The following PPM1H variants were observed in gnomAD, a reference collection of about 807,000 sequenced individuals.
PPM1H encodes protein phosphatase, Mg2+/Mn2+ dependent 1H.
Under a neutral mutation model 54.9 loss-of-function variants are expected in PPM1H, and 27 were observed. That is an observed-to-expected ratio of 0.49 (90% CI 0.36 to 0.68). The LOEUF is 0.68. PPM1H is among the 30% of genes least tolerant of loss of function. The probability of loss-of-function intolerance (pLI) is 0.00; values close to 1 mark genes in which losing one functional copy is unlikely to be tolerated. For missense variants in PPM1H, 596 were observed against 667.8 expected (o/e 0.89, Z 1.19); for synonymous variants, 305 against 270.8 (o/e 1.13, Z -1.24).
intron 9 of PPM1H, among the ~76,000 whole-genome samples, chr12:62,662,816 A>G (rs1342162371): frequency 6.6e-6 from 1 of 152,168 alleles, no homozygotes; most frequent in East Asian, 1.9e-4. Flanking sequence ...TTAGAAACCC[A>G]ACAGGCCTCA....
intron 2 of PPM1H, among the ~76,000 whole-genome samples, chr12:62,822,325 C>T (rs1655420996): frequency 6.6e-6 from 1 of 152,198 alleles, no homozygotes; most frequent in Non-Finnish European, 1.5e-5. Flanking sequence ...TAACACCCCA[C>T]TGTCAATATT....
At chr12:62,805,222 G>A (rs1592608498) in intron 2 of PPM1H, among the ~76,000 whole-genome samples, 2 of 152,294 alleles carry the variant, frequency 1.3e-5, no homozygotes, top group South Asian at 4.1e-4. Context: ...AAGTGTTAGT[G>A]AGGATGTGTA....
chr12:62,872,600 A>G (rs917922689), intron 1 of PPM1H, among the ~76,000 whole-genome samples: 1 of 152,204 alleles, frequency 6.6e-6, no homozygotes, highest in Non-Finnish European at 1.5e-5. Flanking sequence ...TAAATGCATG[A>G]TTTCTGTGTT....
intron 1 of PPM1H, among the ~76,000 whole-genome samples, chr12:62,910,482 T>C: frequency 6.6e-6 from 1 of 152,186 alleles, no homozygotes; most frequent in Non-Finnish European, 1.5e-5. Flanking sequence ...ACATTTTCTC[T>C]ATTTCTTTTT....
intron 5 of PPM1H, among the ~76,000 whole-genome samples, chr12:62,722,856 T>G (rs1403339456): frequency 1.3e-5 from 2 of 152,194 alleles, no homozygotes; most frequent in Non-Finnish European, 2.9e-5. Context: ...ACAATATGTG[T>G]GTGTGCATGA....
intron 1 of PPM1H, among the ~76,000 whole-genome samples, chr12:62,853,863 T>G (rs1869284857): frequency 6.6e-6 from 1 of 152,174 alleles, no homozygotes; most frequent in Non-Finnish European, 1.5e-5. Flanking sequence ...AGGGGGTAGT[T>G]CCAAAGTCAA....
At chr12:62,749,154 A>G (rs886571250) in intron 4 of PPM1H, among the ~76,000 whole-genome samples, 2 of 152,206 alleles carry the variant, frequency 1.3e-5, no homozygotes, top group African/African-American at 2.4e-5. Flanking sequence ...CAAGGCCCCC[A>G]ATGTAATTTC....
At chr12:62,820,758 T>C (rs2076898261) in intron 2 of PPM1H, among the ~76,000 whole-genome samples, 2 of 152,076 alleles carry the variant, frequency 1.3e-5, no homozygotes, top group African/African-American at 4.8e-5. Context: ...CAACACCCCA[T>C]CTGTAGGTCA....
In PPM1H at chr12:62,648,374, G is replaced by T; in HGVS notation, c.*115C>A. ...TCTTTTGGCCATGAACTCCCCGCTT[G>T]GGCTGGGAAGAGACTGCATCACTTG... is the stretch of plus-strand genomic sequence containing the variant. On this transcript the variant is annotated 3_prime_UTR_variant, in exon 10 of 10. Transcript: ENST00000228705. 1.5e-6 allele frequency: 2 copies of T among 1,337,852 alleles called. No individual in the cohort carries two copies. Among genetic ancestry groups the T allele is most frequent in the South Asian group, 1.4e-5 (1 of 73,588 alleles). 82.9% of individuals were successfully genotyped at this position (1,337,852 alleles called of 1,614,324 possible).
At chr12:62,756,754 G>A (rs981749094) in intron 4 of PPM1H, among the ~76,000 whole-genome samples, 15 of 151,946 alleles carry the variant, frequency 9.9e-5, no homozygotes, top group African/African-American at 2.7e-4. Context: ...TTGAACGGCC[G>A]AAGATGACGG....
chr12:62,911,029 A>C (rs1871443330), intron 1 of PPM1H, among the ~76,000 whole-genome samples: 1 of 152,220 alleles, frequency 6.6e-6, no homozygotes, highest in African/African-American at 2.4e-5. Context: ...TGGGACAGAA[A>C]ATCTCCAGTG....
intron 4 of PPM1H, among the ~76,000 whole-genome samples, chr12:62,739,080 A>G (rs1372936838): frequency 3.4e-5 from 4 of 118,612 alleles, no homozygotes; most frequent in Non-Finnish European, 7.6e-5. Context: ...TGACTCTAGG[A>G]AAAAAAAAAA....
At chr12:62,932,063 G>C (rs1872154494) in intron 1 of PPM1H, among the ~76,000 whole-genome samples, 1 of 151,032 alleles carries the variant, frequency 6.6e-6, no homozygotes, top group Non-Finnish European at 1.5e-5. Flanking sequence ...GTAGGTGAGG[G>C]CTGGGGAAGA....
chr12:62,711,461 A>G (rs1283441971), intron 6 of PPM1H, among the ~76,000 whole-genome samples: 1 of 152,212 alleles, frequency 6.6e-6, no homozygotes, highest in African/African-American at 2.4e-5. Flanking sequence ...AGCCTGTCAA[A>G]TAGATGGTAA....
chr12:62,851,003 T>G (rs1399365696), intron 1 of PPM1H: 2 of 152,216 alleles, frequency 1.3e-5, no homozygotes, highest in African/African-American at 4.8e-5. Flanking sequence ...TAAATTTGAA[T>G]TGGAGATATC....
chr12:62,731,762 G>A (rs1201463472), intron 5 of PPM1H, among the ~76,000 whole-genome samples: 2 of 152,130 alleles, frequency 1.3e-5, no homozygotes, highest in East Asian at 3.9e-4. Context: ...TGATGACACC[G>A]GCACGACTTA....
chr12:62,686,498 G>A (rs1438986945), intron 8 of PPM1H, among the ~76,000 whole-genome samples: 1 of 152,168 alleles, frequency 6.6e-6, no homozygotes, highest in Non-Finnish European at 1.5e-5. Flanking sequence ...TACAAGCCCT[G>A]TGCTCAATGG....
Position 62,785,228 on chromosome 12 carries a change from G to C in PPM1H, c.869+2998C>G, listed in dbSNP as rs1466797641. Reference sequence around the variant, plus strand: ...GCCTTGCTGTGTTGCCCAGGCTGGAGTGCAGTGGCACAATCTTGGCTCACT... The same window carrying C: ...GCCTTGCTGTGTTGCCCAGGCTGGACTGCAGTGGCACAATCTTGGCTCACT... On this transcript the variant is annotated intron_variant, in intron 4 of 9. Transcript: ENST00000228705. 2.0e-5 allele frequency among the ~76,000 whole-genome samples: 3 copies of C among 152,216 alleles called. No individual in the cohort carries two copies. In the East Asian group the frequency reaches 5.8e-4, roughly 29 times the overall value.
intron 4 of PPM1H, 116 bp from the exon 5 acceptor site, chr12:62,737,702 A>C: frequency 1.5e-6 from 1 of 668,388 alleles, no homozygotes; most frequent in Non-Finnish European, 2.4e-6. Flanking sequence ...TTGTTTTCCC[A>C]CTTGCATGGC....
Sources: gnomAD v4.1 joint callset for allele counts (sites outside exome capture counted in the v4.1 genomes callset) on GRCh38, gnomAD v4.1.1 for gene constraint, MANE v1.5 for transcripts, NCBI Gene and HGNC (gene_info 2026-07-23, HGNC 2026-07-21) for gene names.